The following SS18L1 variants were observed in gnomAD, a reference collection of about 807,000 sequenced individuals.
SS18L1 encodes SS18L1 subunit of BAF chromatin remodeling complex, also known as calcium-responsive transactivator.
In SS18L1, 32 loss-of-function variants were observed where a neutral mutation model predicts 70.3. The observed-to-expected ratio is 0.46, with a 90% CI of 0.34 to 0.61. The LOEUF (loss-of-function observed/expected upper bound fraction) is 0.61, where lower values mean the gene tolerates loss of function less well. Ranked by LOEUF, SS18L1 falls within the 20% of genes least tolerant of loss-of-function variation. The probability of loss-of-function intolerance (pLI) is 0.01; values close to 1 mark genes in which losing one functional copy is unlikely to be tolerated. For missense variants in SS18L1, 430 were observed against 542.1 expected, an observed-to-expected ratio of 0.79 and a Z score of 2.05; for synonymous variants, 237 against 229.7, an observed-to-expected ratio of 1.03 and a Z score of -0.29.
intron 7 of SS18L1, among the ~76,000 whole-genome samples, chr20:62,164,625 C>T (rs1457337398): frequency 1.3e-5 from 2 of 152,240 alleles, no homozygotes; most frequent in Admixed American, 6.5e-5. Context: ...CTGAAGGTGA[C>T]GGCTCCACCT....
chr20:62,173,474 C>G (rs1021156373), intron 9 of SS18L1, among the ~76,000 whole-genome samples: 2 of 152,142 alleles, frequency 1.3e-5, no homozygotes, highest in African/African-American at 4.8e-5. Flanking sequence ...CTTTGGGAGG[C>G]TGAGGTGGGC....
chr20:62,163,318 C>A, intron 5 of SS18L1, 140 bp from the exon 6 acceptor site: 3 of 1,285,822 alleles, frequency 2.3e-6, no homozygotes, highest in South Asian at 1.4e-5. Context: ...GGGAGGCGTG[C>A]CTTGCGGTGG....
chr20:62,179,063 T>G, intron 10 of SS18L1, 119 bp from the exon 11 acceptor site: 7 of 1,092,252 alleles, frequency 6.4e-6, no homozygotes, highest in Non-Finnish European at 9.7e-6. Context: ...CGCAGAGATG[T>G]GAGCAGAGGT....
chr20:62,148,331 G>C (rs910216681), intron 1 of SS18L1, among the ~76,000 whole-genome samples: 1 of 148,414 alleles, frequency 6.7e-6, no homozygotes, highest in African/African-American at 2.5e-5. Context: ...AGGGAGGCTT[G>C]GCCTCCTTGC....
chr20:62,148,103 C>A (rs565535288), intron 1 of SS18L1, among the ~76,000 whole-genome samples: 30 of 152,342 alleles, frequency 2.0e-4, no homozygotes, highest in African/African-American at 6.5e-4. Flanking sequence ...AGGCTCCCCC[C>A]ACCCGAGAAG....
At chr20:62,166,794 A>G (rs942307269) in intron 8 of SS18L1, among the ~76,000 whole-genome samples, 5 of 151,230 alleles carry the variant, frequency 3.3e-5, no homozygotes, top group East Asian at 2.0e-4. Flanking sequence ...ACGTGGTGGC[A>G]TGTGCCTGTA....
At chr20:62,170,938 A>G (rs564639338) in intron 8 of SS18L1, among the ~76,000 whole-genome samples, 5 of 149,788 alleles carry the variant, frequency 3.3e-5, no homozygotes, top group South Asian at 2.1e-4. Flanking sequence ...GTCTCACTCT[A>G]TCGCCCAGGC....
chr20:62,153,754 G>A lies in SS18L1; in HGVS notation c.70-4918G>A, dbSNP rs781527570. On this transcript the variant is annotated intron_variant, in intron 1 of 10. Coordinates refer to ENST00000331758, the MANE Select transcript of SS18L1 (RefSeq NM_198935.3). ...GGTTTCAGTCTCGGGGCTGCTCTCC[G>A]TGGGTCTCCCACCATTGGCCGAATT... 1.4e-4 allele frequency among the ~76,000 whole-genome samples: 21 copies of A among 152,144 alleles called. No homozygotes were observed. The East Asian group carries it at 1.5e-3, about 11-fold the overall frequency.
Position 62,158,993 on chromosome 20 carries a change from G to GT in SS18L1, c.146+245_146+246insT, listed in dbSNP as rs2057276091. On this transcript the variant is annotated intron_variant, in intron 2 of 10. Coordinates refer to ENST00000331758, the MANE Select transcript of SS18L1 (RefSeq NM_198935.3). The surrounding 1 kb of genome is among the most constrained non-coding windows in gnomAD (Gnocchi z 4.5). ...AGCACGGAGGCCAGATATGTCCCGA[G>GT]AGTCCCCCAGCACGGAGGCCAGATA... 2 of 1,538,926 alleles carry GT rather than the reference G, an allele frequency of 1.3e-6. No individual in the cohort carries two copies. Among genetic ancestry groups the GT allele is most frequent in the African/African-American group, 2.7e-5 (2 of 73,632 alleles).
intron 8 of SS18L1, among the ~76,000 whole-genome samples, chr20:62,171,414 T>G (rs1052642548): frequency 5.3e-5 from 8 of 152,144 alleles, no homozygotes; most frequent in Non-Finnish European, 1.0e-4. Context: ...GGCCCTGGAT[T>G]TAGAGGAAGG....
At chr20:62,151,902 C>T (rs1415630526) in intron 1 of SS18L1, among the ~76,000 whole-genome samples, 3 of 147,452 alleles carry the variant, frequency 2.0e-5, no homozygotes, top group Middle Eastern at 3.4e-3. Context: ...TTTTCCCGAT[C>T]CCCAGAGCTG....
rs1481213503 is a variant in SS18L1, at chr20:62,162,762, C to T, written c.387C>T (p.His129=). 16 of 1,608,548 alleles carry T rather than the reference C, an allele frequency of 9.9e-6. No individual in the cohort carries two copies. Among genetic ancestry groups the T allele is most frequent in the African/African-American group, 1.3e-5 (1 of 74,862 alleles). Residue 129 remains histidine, a synonymous_variant, in exon 5 of 11, where the codon CAC becomes CAT. Coordinates refer to ENST00000331758, the MANE Select transcript of SS18L1 (RefSeq NM_198935.3). ...TGCTCCCCATGCCAGGGCCGAGCCACGTGTCCATGCAGCAGACGGCGCCTA... is the reference window on the plus strand; with the variant it reads ...TGCTCCCCATGCCAGGGCCGAGCCATGTGTCCATGCAGCAGACGGCGCCTA... The part of the protein sequence containing the change: ...LQGQIGNGPS[H]VSMQQTAPNT...
chr20:62,167,850 C>G (rs116001533), intron 8 of SS18L1, among the ~76,000 whole-genome samples: 2 of 151,740 alleles, frequency 1.3e-5, no homozygotes, highest in African/African-American at 4.8e-5. Context: ...GGGTCTTGCC[C>G]TATCACCTAG....
intron 1 of SS18L1, among the ~76,000 whole-genome samples, chr20:62,147,349 C>T (rs1031276297): frequency 1.3e-5 from 2 of 152,118 alleles, no homozygotes; most frequent in Non-Finnish European, 2.9e-5. Context: ...CATGTCCCCA[C>T]GGTGGCCCTG....
Position 62,180,899 on chromosome 20 carries a change from A to AAAAT in SS18L1, c.*1714_*1717dup, listed in dbSNP as rs147777670. 4.8e-3 allele frequency: 823 copies of AAAAT among 171,240 alleles called. 6 individuals are homozygous for AAAAT. The highest frequency in any genetic ancestry group is 8.9e-3 in the African/African-American group (375 of 42,138). 10.6% of individuals were successfully genotyped at this position (171,240 alleles called of 1,614,324 possible). Reference sequence around the variant, plus strand: ...AACAAGAGTGAAATTCCGTCTCAAAAAAATAAATAAATAAATAAATAAATA... The same window carrying AAAAT: ...AACAAGAGTGAAATTCCGTCTCAAAAAAATAAATAAATAAATAAATAAATAAATA... On this transcript the variant is annotated 3_prime_UTR_variant, in exon 11 of 11. Transcript: ENST00000331758.
At chr20:62,150,445 C>T (rs2057106238) in intron 1 of SS18L1, among the ~76,000 whole-genome samples, 1 of 152,162 alleles carries the variant, frequency 6.6e-6, no homozygotes, top group South Asian at 2.1e-4. Context: ...GGCTGGTCCC[C>T]CTCACACCTT....
chr20:62,156,027 C>G (rs1568742970), intron 1 of SS18L1, among the ~76,000 whole-genome samples: 1 of 151,724 alleles, frequency 6.6e-6, no homozygotes, highest in African/African-American at 2.4e-5. Context: ...ATCCAGTTTT[C>G]TAAACACCCA....
chr20:62,170,301 C>A (rs902382600), intron 8 of SS18L1, among the ~76,000 whole-genome samples: 2 of 152,170 alleles, frequency 1.3e-5, no homozygotes, highest in Non-Finnish European at 2.9e-5. Context: ...GTCAGGAGAT[C>A]GAGACCATCG....
intron 1 of SS18L1, among the ~76,000 whole-genome samples, chr20:62,153,566 C>T (rs1183119832): frequency 6.6e-6 from 1 of 152,096 alleles, no homozygotes; most frequent in African/African-American, 2.4e-5. Flanking sequence ...TCTGCCTCTG[C>T]TGTTGACGTG....
Sources: gnomAD v4.1 joint callset for allele counts (sites outside exome capture counted in the v4.1 genomes callset) on GRCh38, gnomAD v4.1.1 for gene constraint, Gnocchi (gnomAD v3.1) non-coding constraint, MANE v1.5 for transcripts, NCBI Gene and HGNC (gene_info 2026-07-23, HGNC 2026-07-21) for gene names.